The following THSD7A variants were observed in gnomAD, a reference collection of about 807,000 sequenced individuals.
The protein encoded by THSD7A is thrombospondin type-1 domain-containing protein 7A.
Under a neutral mutation model 231.3 loss-of-function variants are expected in THSD7A, and 96 were observed. That is an observed-to-expected ratio of 0.41 (90% confidence interval 0.35 to 0.49). The LOEUF is 0.49. THSD7A is among the 20% of genes least tolerant of loss of function. The probability of loss-of-function intolerance (pLI) is 0.05; values close to 1 mark genes in which losing one functional copy is unlikely to be tolerated. For missense variants in THSD7A, 2,290 were observed against 2,070.2 expected, an observed-to-expected ratio of 1.11 and a Z score of -2.06; for synonymous variants, 940 against 743.3, an observed-to-expected ratio of 1.26 and a Z score of -4.30.
At chr7:11,484,867 A>C (rs535508861) in intron 6 of THSD7A, among the ~76,000 whole-genome samples, 76 of 102,466 alleles carry the variant, frequency 7.4e-4, no homozygotes, top group African/African-American at 2.6e-3. Context: ...ACTGAATCAC[A>C]ACCTTAATTT....
intron 1 of THSD7A, among the ~76,000 whole-genome samples, chr7:11,680,841 C>T (rs181041089): frequency 6.6e-5 from 10 of 152,174 alleles, no homozygotes; most frequent in Non-Finnish European, 1.2e-4. Flanking sequence ...CCCAGCAATC[C>T]CATCACCGAG....
intron 13 of THSD7A, among the ~76,000 whole-genome samples, chr7:11,436,293 G>A (rs573460111): frequency 1.3e-5 from 2 of 152,188 alleles, no homozygotes; most frequent in African/African-American, 2.4e-5. Flanking sequence ...ACTTGATCCA[G>A]TGCAATGCAC....
At chr7:11,533,293 GA>G (rs1338368015) in intron 6 of THSD7A, among the ~76,000 whole-genome samples, 2 of 152,106 alleles carry the variant, frequency 1.3e-5, no homozygotes, top group Non-Finnish European at 2.9e-5. Flanking sequence ...ATTTCTTATG[GA>G]AAAGGAAAGA....
chr7:11,554,210 C>T (rs549837232), intron 4 of THSD7A, among the ~76,000 whole-genome samples: 79 of 151,950 alleles, frequency 5.2e-4, no homozygotes, highest in Middle Eastern at 3.4e-3. Flanking sequence ...CCTTTGCAAA[C>T]GTAATTAGTT....
intron 1 of THSD7A, among the ~76,000 whole-genome samples, chr7:11,808,295 G>A (rs977882007): frequency 6.6e-6 from 1 of 152,124 alleles, no homozygotes; most frequent in Non-Finnish European, 1.5e-5. Context: ...ATGGGATTAA[G>A]GCCCTCATAA....
At chr7:11,812,411 A>T (rs34540882) in intron 1 of THSD7A, among the ~76,000 whole-genome samples, 5,076 of 152,276 alleles carry the variant, frequency 0.033, 113 homozygotes, top group Non-Finnish European at 0.048. Context: ...TGCATCATGA[A>T]ACAATATGGG....
intron 6 of THSD7A, among the ~76,000 whole-genome samples, chr7:11,500,074 G>C (rs1004449681): frequency 1.3e-5 from 2 of 152,110 alleles, no homozygotes; most frequent in African/African-American, 4.8e-5. Context: ...TAAAGAGTAA[G>C]AGAAGGTCAC....
chr7:11,647,220 T>G (rs1416105137), intron 1 of THSD7A, among the ~76,000 whole-genome samples: 4 of 152,152 alleles, frequency 2.6e-5, no homozygotes, highest in South Asian at 2.1e-4. Flanking sequence ...GCTAGTTCAA[T>G]GTCTGCAAGT....
intron 9 of THSD7A, among the ~76,000 whole-genome samples, chr7:11,465,203 C>T (rs1785650880): frequency 6.6e-6 from 1 of 152,260 alleles, no homozygotes; most frequent in Non-Finnish European, 1.5e-5. Flanking sequence ...ATCTTCTCAA[C>T]TGGATTATTA....
At chr7:11,721,963 C>T (rs764943147) in intron 1 of THSD7A, among the ~76,000 whole-genome samples, 9 of 151,826 alleles carry the variant, frequency 5.9e-5, no homozygotes, top group Non-Finnish European at 1.0e-4. Context: ...TCCTTTAATA[C>T]GCTCTTTCCC....
At chr7:11,600,880 A>C (rs1780527648) in intron 2 of THSD7A, among the ~76,000 whole-genome samples, 1 of 152,174 alleles carries the variant, frequency 6.6e-6, no homozygotes, top group Admixed American at 6.5e-5. Flanking sequence ...AATTTGTCTG[A>C]GTTGAGGGGT....
intron 13 of THSD7A, among the ~76,000 whole-genome samples, chr7:11,432,267 G>C (rs2115431836): frequency 6.6e-6 from 1 of 152,032 alleles, no homozygotes; most frequent in Admixed American, 6.6e-5. Context: ...ATAAGATACA[G>C]ACAGAACCAA....
chr7:11,405,307 T>C (rs917438969), intron 22 of THSD7A, among the ~76,000 whole-genome samples: 1 of 152,128 alleles, frequency 6.6e-6, no homozygotes, highest in African/African-American at 2.4e-5. Flanking sequence ...TCACATCCTT[T>C]TATATAGAAA....
intron 23 of THSD7A, among the ~76,000 whole-genome samples, chr7:11,382,935 T>C (rs937211059): frequency 5.3e-5 from 8 of 150,862 alleles, no homozygotes; most frequent in Non-Finnish European, 1.0e-4. Flanking sequence ...TATATATATA[T>C]ATATATCTCC....
chr7:11,434,749 G>A (rs1784579649), intron 13 of THSD7A, among the ~76,000 whole-genome samples: 1 of 151,552 alleles, frequency 6.6e-6, no homozygotes, highest in Non-Finnish European at 1.5e-5. Context: ...GGTCCTCACA[G>A]GCTGGAAAAA....
At chr7:11,565,553 G>C (rs185813267) in intron 4 of THSD7A, among the ~76,000 whole-genome samples, 263 of 152,316 alleles carry the variant, frequency 1.7e-3, no homozygotes, top group African/African-American at 5.7e-3. Flanking sequence ...GATAGTGGAA[G>C]TGAAGGGGTC....
intron 6 of THSD7A, among the ~76,000 whole-genome samples, chr7:11,495,701 T>A (rs1223379430): frequency 1.3e-5 from 2 of 152,224 alleles, no homozygotes; most frequent in South Asian, 4.1e-4. Context: ...AAAGATGGAA[T>A]AGAGGCTGCC....
chr7:11,771,365 G>A (rs2128171695), intron 1 of THSD7A, among the ~76,000 whole-genome samples: 1 of 152,012 alleles, frequency 6.6e-6, no homozygotes, highest in East Asian at 1.9e-4. Context: ...AGCCATTGAT[G>A]TTATAAATAC....
At chr7:11,565,804 A>G (rs1370882108) in intron 4 of THSD7A, among the ~76,000 whole-genome samples, 1 of 152,160 alleles carries the variant, frequency 6.6e-6, no homozygotes, top group African/African-American at 2.4e-5. Context: ...AAGTGACAGC[A>G]ATCACCCCAA....
Sources: allele counts gnomAD v4.1 joint callset (sites outside exome capture counted in the v4.1 genomes callset), GRCh38; gene constraint gnomAD v4.1.1; transcripts MANE v1.5; gene names NCBI Gene and HGNC (gene_info 2026-07-23, HGNC 2026-07-21).